ZNF366: variants seen among roughly 807,000 people sequenced by gnomAD.
ZNF366 encodes the protein zinc finger protein 366, also known as dendritic cell-specific transcript protein.
A neutral mutation model predicts 47.2 loss-of-function variants in ZNF366; 20 were observed. The observed-to-expected ratio is 0.42, with a 90% CI of 0.30 to 0.62. The LOEUF (loss-of-function observed/expected upper bound fraction) is 0.62. Among genes scored for constraint, ZNF366 ranks in the 20% least tolerant of loss-of-function variants. The pLI is 0.16. For synonymous variants in ZNF366, 421 were observed against 395.1 expected (o/e 1.07, Z -0.78); for missense variants, 987 against 976.3 (o/e 1.01, Z -0.15).
At chr5:72,500,952 G>A (rs1220608851) in intron 1 of ZNF366, among the ~76,000 whole-genome samples, 2 of 152,204 alleles carry the variant, frequency 1.3e-5, no homozygotes, top group Non-Finnish European at 2.9e-5. Flanking sequence ...ATTAGCTACA[G>A]ATGACACTTT....
At chr5:72,478,180 G>A (rs1207795838) in intron 1 of ZNF366, among the ~76,000 whole-genome samples, 1 of 152,186 alleles carries the variant, frequency 6.6e-6, no homozygotes, top group Non-Finnish European at 1.5e-5. Context: ...GGCAGTGAAA[G>A]AGGAGTTAGA....
chr5:72,504,259 T>C (rs1744276319), intron 1 of ZNF366, among the ~76,000 whole-genome samples: 2 of 152,148 alleles, frequency 1.3e-5, no homozygotes, highest in Non-Finnish European at 2.9e-5. Flanking sequence ...CTTTCCTCTT[T>C]AGCTGAGTCA....
chr5:72,476,498 T>C (rs1233009148), intron 1 of ZNF366, among the ~76,000 whole-genome samples: 2 of 152,172 alleles, frequency 1.3e-5, no homozygotes, highest in East Asian at 1.9e-4. Flanking sequence ...AGAGACATTC[T>C]GCTGGAAAAA....
intron 1 of ZNF366, among the ~76,000 whole-genome samples, chr5:72,465,980 C>A (rs1450871950): frequency 6.6e-6 from 1 of 152,282 alleles, no homozygotes; most frequent in South Asian, 2.1e-4. Flanking sequence ...AAACACTAGA[C>A]AGTATGCTGC....
At position 72,504,866 on chromosome 5, in the gene ZNF366, G is replaced by A. The variant is rs907425120; in HGVS notation, c.-15+2385C>T. Among the ~76,000 whole-genome samples the A allele has an allele frequency of 4.6e-5, 7 of 152,252 alleles. No homozygotes were observed. The South Asian group carries it at 1.0e-3, about 23-fold the overall frequency. On this transcript the variant is annotated intron_variant, in intron 1 of 4. Coordinates refer to ENST00000318442, the MANE Select transcript of ZNF366 (RefSeq NM_152625.3). Reference sequence around the variant, plus strand: ...ATTCTCACAACTCCATTATGTTGACGCAATTTTACATTTGGGGACACTGAG... The same window carrying A: ...ATTCTCACAACTCCATTATGTTGACACAATTTTACATTTGGGGACACTGAG...
chr5:72,440,143 C>A lies in ZNF366; in HGVS notation c.*3613G>T, dbSNP rs575735018. ...TCTGTTATATTTTGTTCCAGCAAAG[C>A]AGACAAAGATCATAATTCAAAACAC... On this transcript the variant is annotated 3_prime_UTR_variant, in exon 5 of 5. Transcript: ENST00000318442. 6.6e-6 allele frequency: 1 copy of A among 152,186 alleles called. No individual in the cohort carries two copies. The highest frequency in any genetic ancestry group is 2.4e-5 in the African/African-American group (1 of 41,450). 9.4% of individuals were successfully genotyped at this position (152,186 alleles called of 1,614,324 possible). A position where few individuals can be genotyped will look rare whatever the true frequency, so the allele number is the denominator to read the frequency against.
At chr5:72,447,834 C>A (rs529269574) in intron 3 of ZNF366, among the ~76,000 whole-genome samples, 2 of 152,248 alleles carry the variant, frequency 1.3e-5, no homozygotes, top group South Asian at 4.1e-4. Flanking sequence ...TTATTTAATT[C>A]TCACACCAAT....
chr5:72,489,048 A>ACAT (rs961084216), intron 1 of ZNF366, among the ~76,000 whole-genome samples: 3 of 152,136 alleles, frequency 2.0e-5, no homozygotes, highest in Non-Finnish European at 2.9e-5. Flanking sequence ...CACAAATGAC[A>ACAT]TGTGTCATTT....
chr5:72,449,149 T>A (rs946174508), intron 3 of ZNF366, among the ~76,000 whole-genome samples: 2 of 152,198 alleles, frequency 1.3e-5, no homozygotes, highest in Non-Finnish European at 2.9e-5. Flanking sequence ...TTTATTAAGA[T>A]GTATCAATCT....
chr5:72,466,663 G>GT (rs1300001882), intron 1 of ZNF366, among the ~76,000 whole-genome samples: 1 of 152,204 alleles, frequency 6.6e-6, no homozygotes, highest in African/African-American at 2.4e-5. Context: ...GAAATGGGTG[G>GT]TTCTTGTTTT....
At chr5:72,502,088 A>G (rs112868197) in intron 1 of ZNF366, among the ~76,000 whole-genome samples, 4 of 152,214 alleles carry the variant, frequency 2.6e-5, no homozygotes, top group African/African-American at 9.6e-5. Flanking sequence ...TAAAGATAGC[A>G]TCTTTCATTC....
At chr5:72,496,093 CAT>C (rs2112354846) in intron 1 of ZNF366, among the ~76,000 whole-genome samples, 1 of 151,928 alleles carries the variant, frequency 6.6e-6, no homozygotes, top group Non-Finnish European at 1.5e-5. Flanking sequence ...AAAGCTGCCT[CAT>C]TTTTTTTCAA....
intron 1 of ZNF366, among the ~76,000 whole-genome samples, chr5:72,483,711 G>A (rs1269643283): frequency 6.6e-6 from 1 of 152,132 alleles, no homozygotes; most frequent in Non-Finnish European, 1.5e-5. Flanking sequence ...ACTGTACCAA[G>A]GGGAAGGATG....
intron 1 of ZNF366, among the ~76,000 whole-genome samples, chr5:72,477,704 A>G (rs1413936321): frequency 6.6e-6 from 1 of 152,248 alleles, no homozygotes; most frequent in South Asian, 2.1e-4. Flanking sequence ...TAAATGACTT[A>G]TCTACGGTCA....
At chr5:72,504,089 G>GCACA in intron 1 of ZNF366, among the ~76,000 whole-genome samples, 1 of 151,496 alleles carries the variant, frequency 6.6e-6, no homozygotes, top group Non-Finnish European at 1.5e-5. Flanking sequence ...ACATGCGCGC[G>GCACA]CACACACGCG....
At chr5:72,468,312 A>G (rs578222506) in intron 1 of ZNF366, among the ~76,000 whole-genome samples, 26 of 152,264 alleles carry the variant, frequency 1.7e-4, no homozygotes, top group African/African-American at 6.3e-4. Flanking sequence ...ACCCTTCCAG[A>G]TGCCCTTCTG....
At chr5:72,445,267 T>A (rs6452473) in intron 4 of ZNF366, among the ~76,000 whole-genome samples, 2 of 151,964 alleles carry the variant, frequency 1.3e-5, no homozygotes, top group East Asian at 3.9e-4. Context: ...TGACCTTTGA[T>A]GAGCCAATAG....
rs904639579 is a variant in ZNF366, at chr5:72,450,461, C to A, written c.1525-3044G>T. Among the ~76,000 whole-genome samples the A allele has an allele frequency of 2.0e-5, 3 of 152,162 alleles. No individual in the cohort carries two copies. In the East Asian group the frequency reaches 5.8e-4, roughly 29 times the overall value. ...AGCCAACTCAGTATCAAGCACAGGACTACACATATGGTACACTTCTGAATG... is the reference window on the plus strand; with the variant it reads ...AGCCAACTCAGTATCAAGCACAGGAATACACATATGGTACACTTCTGAATG... On this transcript the variant is annotated intron_variant, in intron 3 of 4. Coordinates refer to ENST00000318442, the MANE Select transcript of ZNF366 (RefSeq NM_152625.3).
chr5:72,469,625 G>A (rs1743517160), intron 1 of ZNF366, among the ~76,000 whole-genome samples: 3 of 152,200 alleles, frequency 2.0e-5, no homozygotes, highest in African/African-American at 7.2e-5. Flanking sequence ...TGTGTGTATA[G>A]TCTATTCAGC....
Sources: gnomAD v4.1 joint callset for allele counts (sites outside exome capture counted in the v4.1 genomes callset) on GRCh38, gnomAD v4.1.1 for gene constraint, MANE v1.5 for transcripts, NCBI Gene and HGNC (gene_info 2026-07-23, HGNC 2026-07-21) for gene names.